CAD: variants seen among roughly 807,000 people sequenced by gnomAD.
CAD encodes carbamoyl-phosphate synthetase 2, aspartate transcarbamylase, and dihydroorotase.
Under a neutral mutation model 237.2 loss-of-function variants are expected in CAD, and 81 were observed. That is an observed-to-expected ratio of 0.34 (90% confidence interval 0.29 to 0.41). The LOEUF (loss-of-function observed/expected upper bound fraction) is 0.41, where lower values mean the gene tolerates loss of function less well. Among genes scored for constraint, CAD ranks in the 10% least tolerant of loss-of-function variants. The pLI is 1.00. For missense variants in CAD, 2,181 were observed against 2,951.7 expected (o/e 0.74, Z 6.05); for synonymous variants, 1,196 against 1,162.8 (o/e 1.03, Z -0.58).
rs1444427678 is a variant in CAD, at chr2:27,240,218, CAAAA to C, written c.5497-46_5497-43del. The C allele has an allele frequency of 8.1e-7, 1 of 1,227,716 alleles. No homozygotes were observed. The allele number at this position is 1,227,716 out of a possible 1,614,324, so 76.1% of individuals were successfully genotyped here. The stretch of plus-strand genomic sequence containing the variant: ...TGAGCGACAGAACGAGACTCCGTCT[CAAAA>C]GAAAAAAAAAAAAACAACTCTGGGC... On this transcript the variant is annotated intron_variant, in intron 34 of 43. Transcript: ENST00000264705. The surrounding 1 kb of genome is among the most constrained non-coding windows in gnomAD (Gnocchi z 4.6).
In CAD at chr2:27,221,527, G is replaced by A. The variant is rs538571387; in HGVS notation, c.352+180G>A. On this transcript the variant is annotated intron_variant, in intron 3 of 43. Transcript: ENST00000264705. ...CTCAGAAAGAAAATTTCCAACACAG[G>A]AAGGAACTCCCACCTTCCATAATCA... Among the ~76,000 whole-genome samples the A allele has an allele frequency of 3.3e-5, 5 of 152,230 alleles. No homozygotes were observed. In the South Asian group the frequency reaches 1.0e-3, roughly 32 times the overall value.
chr2:27,222,439 A>G, intron 4 of CAD, 80 bp from the exon 5 acceptor site: 1 of 1,571,064 alleles, frequency 6.4e-7, no homozygotes, highest in South Asian at 1.1e-5. Flanking sequence ...GAGGCTTTGA[A>G]GGTAGGAGTT....
chr2:27,234,162 T>C lies in CAD; in HGVS notation c.3554T>C (p.Ile1185Thr). Residue 1185 changes from isoleucine (I) to threonine (T), a missense_variant, in exon 22 of 44, where the codon ATT becomes ACT. Around this residue, in one of 12 missense-constraint regions of CAD, gnomAD observed 306 missense variants for 607.9 expected, o/e 0.50. Coordinates refer to ENST00000264705, the MANE Select transcript of CAD (RefSeq NM_004341.5). ...AAAACCCTGGAGCGGATCAAAGCCA[T>C]TGTGCATGCTGTGGGCCAGGAGCTA... ...TAKTLERIKA[I>T]VHAVGQELQV... is the part of the protein sequence containing the mutation. 6.2e-7 allele frequency: 1 copy of C among 1,614,218 alleles called. No homozygotes were observed. Among genetic ancestry groups the C allele is most frequent in the Non-Finnish European group, 8.5e-7 (1 of 1,180,030 alleles).
rs1365880572 is a variant in CAD, at chr2:27,222,561, G to A, written c.538G>A (p.Ala180Thr). The A allele has an allele frequency of 1.2e-6, 2 of 1,614,028 alleles. No individual in the cohort carries two copies. The highest frequency in any genetic ancestry group is 1.7e-6 in the Non-Finnish European group (2 of 1,180,012). Residue 180 changes from alanine (A) to threonine (T), a missense_variant, in exon 5 of 44, where the codon GCT becomes ACT. Ala to Thr is a moderately conservative substitution (Grantham distance 58, BLOSUM62 0). This residue lies in a region of CAD where 314 missense variants were observed against 339.4 expected (regional missense o/e 0.93). Transcript: ENST00000264705. ...FNTGGAPRIL[A>T]LDCGLKYNQI... ...TACAGGGGGTGCCCCTCGGATCCTT[G>A]CTTTGGACTGTGGCCTCAAGTATAA...
chr2:27,238,197 C>T lies in CAD; in HGVS notation c.4860+10C>T. ...GGCACGGAAGGAGGAGGTAAGAGTA[C>T]ACCTGAGATCCTGCTGTCCCTGTTG... On this transcript the variant is annotated intron_variant, in intron 30 of 43. Coordinates refer to ENST00000264705, the MANE Select transcript of CAD (RefSeq NM_004341.5). 4 of 1,613,516 alleles carry T rather than the reference C, an allele frequency of 2.5e-6. No homozygotes were observed. The highest frequency in any genetic ancestry group is 3.4e-6 in the Non-Finnish European group (4 of 1,179,830).
chr2:27,240,949 G>A lies in CAD; in HGVS notation c.5632G>A (p.Glu1878Lys), dbSNP rs762262469. The A allele has an allele frequency of 1.4e-5, 22 of 1,613,902 alleles. No individual in the cohort carries two copies. The highest frequency in any genetic ancestry group is 1.8e-5 in the Non-Finnish European group (21 of 1,179,996). Residue 1878 changes from glutamate (E) to lysine (K), a missense_variant, in exon 36 of 44, where the codon GAG (glutamate) becomes AAG (lysine). This residue lies in a region of CAD where 203 missense variants were observed against 284.5 expected (regional missense o/e 0.71). Coordinates refer to ENST00000264705, the MANE Select transcript of CAD (RefSeq NM_004341.5). The surrounding 1 kb of genome is among the most constrained non-coding windows in gnomAD (Gnocchi z 4.6). ...PKEKSSRKVA[E>K]PELMGTPDGT... Reference sequence around the variant, plus strand: ...GGAGAAGTCCTCTCGGAAGGTAGCCGAGCCAGGTGAGACTCCACCCTGACA... The same window carrying A: ...GGAGAAGTCCTCTCGGAAGGTAGCCAAGCCAGGTGAGACTCCACCCTGACA...
At position 27,240,242 on chromosome 2, in the gene CAD, C is replaced by G. The variant is rs370829139; in HGVS notation, c.5497-23C>G. ...TCAAAAGAAAAAAAAAAAAACAACT[C>G]TGGGCCAACGTTATCCCTCCAGACA... On this transcript the variant is annotated intron_variant, in intron 34 of 43. Coordinates refer to ENST00000264705, the MANE Select transcript of CAD (RefSeq NM_004341.5). The surrounding 1 kb of genome is among the most constrained non-coding windows in gnomAD (Gnocchi z 4.6). 3 of 1,564,890 alleles carry G rather than the reference C, an allele frequency of 1.9e-6. No homozygotes were observed. Among genetic ancestry groups the G allele is most frequent in the African/African-American group, 2.7e-5 (2 of 73,054 alleles).
At chr2:27,225,298 A>ATTT (rs1675381150) in intron 11 of CAD, 55 bp downstream of exon 11, 38 of 566,178 alleles carry the variant, frequency 6.7e-5, no homozygotes, top group Admixed American at 3.1e-4. Context: ...TGGTAGTGTT[A>ATTT]TTTTCTTTTT....
chr2:27,222,055 C>A, intron 3 of CAD, 139 bp from the exon 4 acceptor site: 1 of 771,206 alleles, frequency 1.3e-6, no homozygotes, highest in Non-Finnish European at 2.1e-6. Flanking sequence ...ATACTTCTGT[C>A]ACAATGGCCC....
rs1675998203 is a variant in CAD, at chr2:27,236,313, G to A, written c.4104G>A (p.Glu1368=). 6.2e-7 allele frequency: 1 copy of A among 1,614,070 alleles called. No homozygotes were observed. Among genetic ancestry groups the A allele is most frequent in the Non-Finnish European group, 8.5e-7 (1 of 1,179,998 alleles). ...CAGCTGTGGACTGGCACTTTGAGGA[G>A]GCTGTGGATGGTGAGTGCCCACCAC... ...KVTAVDWHFE[E]AVDGECPPQR... is the part of the protein sequence containing the mutation. Residue 1368 remains glutamate, a synonymous_variant, in exon 26 of 44, where the codon GAG becomes GAA. Transcript: ENST00000264705. This position sits in a 1 kb window ranked among gnomAD's most constrained non-coding sequence, Gnocchi z 4.1.
At position 27,241,511 on chromosome 2, in the gene CAD, T is replaced by C; in HGVS notation, c.5883+115T>C. ...TCCTCCCCCTGCCATCCCGTCCCCT[T>C]ATGCTAGTCCATCCCTCTGCTGCTG... is the stretch of plus-strand genomic sequence containing the variant. On this transcript the variant is annotated intron_variant, in intron 38 of 43. Transcript: ENST00000264705. The surrounding 1 kb of genome is among the most constrained non-coding windows in gnomAD (Gnocchi z 4.6). The C allele has an allele frequency of 2.1e-6, 2 of 957,596 alleles. No individual in the cohort carries two copies. The highest frequency in any genetic ancestry group is 3.3e-6 in the Non-Finnish European group (2 of 603,334). The allele number at this position is 957,596 out of a possible 1,614,324, so 59.3% of individuals were successfully genotyped here.
At chr2:27,225,960 A>G (rs1675428628) in intron 12 of CAD, 34 bp downstream of exon 12, 3 of 1,592,468 alleles carry the variant, frequency 1.9e-6, no homozygotes, top group Non-Finnish European at 2.6e-6. Context: ...GCGTCGTGTC[A>G]GGCAGGATGA....
chr2:27,241,255 C>T lies in CAD; in HGVS notation c.5808+28C>T. The T allele has an allele frequency of 1.2e-6, 2 of 1,613,472 alleles. No individual in the cohort carries two copies. Among genetic ancestry groups the T allele is most frequent in the Non-Finnish European group, 1.7e-6 (2 of 1,179,622 alleles). On this transcript the variant is annotated intron_variant, in intron 37 of 43. Coordinates refer to ENST00000264705, the MANE Select transcript of CAD (RefSeq NM_004341.5). The surrounding 1 kb of genome is among the most constrained non-coding windows in gnomAD (Gnocchi z 4.6). The stretch of plus-strand genomic sequence containing the variant: ...GCCTGGGGCAGGGAGGATGGGACCA[C>T]CCAGAGCTTTGAGGATTTGGAAAGC...
chr2:27,225,878 G>T lies in CAD; in HGVS notation c.1794G>T (p.Lys598Asn). 1.2e-6 allele frequency: 2 copies of T among 1,614,262 alleles called. No individual in the cohort carries two copies. The highest frequency in any genetic ancestry group is 1.7e-6 in the Non-Finnish European group (2 of 1,180,040). ...VLVDKSLKGW[K>N]EIEYEVVRDA... is the part of the protein sequence containing the mutation. ...TAGACAAGTCTCTGAAGGGATGGAA[G>T]GAGATTGAGTACGAGGTGGTGAGAG... The change falls in exon 12 of 44, where the codon AAG becomes AAT. Residue 598 changes from lysine (K) to asparagine (N), a missense_variant. By Grantham distance (94) the Lys-to-Asn change is moderately conservative. Transcript: ENST00000264705.
At position 27,240,657 on chromosome 2, in the gene CAD, C is replaced by T; in HGVS notation, c.5594-254C>T. Reference sequence around the variant, plus strand: ...TTGGTTGGTGTGAGTCTGGCCGTTCCTCTTGCCTAGGATGCCTTTGCCAAC... The same window carrying T: ...TTGGTTGGTGTGAGTCTGGCCGTTCTTCTTGCCTAGGATGCCTTTGCCAAC... On this transcript the variant is annotated intron_variant, in intron 35 of 43. Coordinates refer to ENST00000264705, the MANE Select transcript of CAD (RefSeq NM_004341.5). This position sits in a 1 kb window ranked among gnomAD's most constrained non-coding sequence, Gnocchi z 4.6. The T allele has an allele frequency of 6.5e-7, 1 of 1,539,432 alleles. No individual in the cohort carries two copies. The highest frequency in any genetic ancestry group is 8.8e-7 in the Non-Finnish European group (1 of 1,139,436).
rs746232181 is a variant in CAD, at chr2:27,232,723, C to T, written c.2892+29C>T. 3 of 1,613,606 alleles carry T rather than the reference C, an allele frequency of 1.9e-6. No homozygotes were observed. The highest frequency in any genetic ancestry group is 1.7e-5 in the Admixed American group (1 of 60,010). On this transcript the variant is annotated intron_variant, in intron 18 of 43. Transcript: ENST00000264705. This position sits in a 1 kb window ranked among gnomAD's most constrained non-coding sequence, Gnocchi z 4.1. ...AGAGAGTTCATTTTCTTTCCACTTT[C>T]CTTGCTATTCTGTTCATCTCTAGCA...
chr2:27,243,532 C>T lies in CAD; in HGVS notation c.*14C>T. On this transcript the variant is annotated 3_prime_UTR_variant, in exon 44 of 44. Transcript: ENST00000264705. ...GGCCGTTTCTAGGGCCTGGCTTCCTCAGCCTCTTCTCTTTAGGCCCAGCTG... is the reference window on the plus strand; with the variant it reads ...GGCCGTTTCTAGGGCCTGGCTTCCTTAGCCTCTTCTCTTTAGGCCCAGCTG... The T allele has an allele frequency of 6.4e-7, 1 of 1,569,758 alleles. No homozygotes were observed. Among genetic ancestry groups the T allele is most frequent in the Non-Finnish European group, 8.7e-7 (1 of 1,155,330 alleles).
Position 27,239,395 on chromosome 2 carries a change from C to T in CAD, c.5318C>T (p.Pro1773Leu). Residue 1773 changes from proline to leucine, a missense_variant, in exon 33 of 44, where the codon CCT (proline) becomes CTT (leucine). Pro to Leu is a moderately conservative substitution (Grantham distance 98). Transcript: ENST00000264705. This position sits in a 1 kb window ranked among gnomAD's most constrained non-coding sequence, Gnocchi z 4.0. ...CCCTTCTCCAAGGCCCACTGGACAC[C>T]TTTTGAAGGGCAGAAAGTGAAGGGC... ...HMPFSKAHWT[P>L]FEGQKVKGTV... 1 of 1,614,120 alleles carries T rather than the reference C, an allele frequency of 6.2e-7. No individual in the cohort carries two copies.
Position 27,242,322 on chromosome 2 carries a change from G to C in CAD, c.6117G>C (p.Arg2039=), listed in dbSNP as rs758330026. Residue 2039 remains arginine, a synonymous_variant, in exon 40 of 44, where the codon CGG becomes CGC. Coordinates refer to ENST00000264705, the MANE Select transcript of CAD (RefSeq NM_004341.5). This position sits in a 1 kb window ranked among gnomAD's most constrained non-coding sequence, Gnocchi z 6.4. The part of the protein sequence containing the change: ...GAVELAAKHC[R]RPVINAGDGV... ...TCCAGCTGGCCGCCAAGCACTGCCG[G>C]AGGCCAGTGATCAATGCTGGGGATG... is the stretch of plus-strand genomic sequence containing the variant. 6.2e-7 allele frequency: 1 copy of C among 1,612,774 alleles called. No individual in the cohort carries two copies.
Sources: gnomAD v4.1 joint callset for allele counts (sites outside exome capture counted in the v4.1 genomes callset) on GRCh38, gnomAD v4.1.1 for gene constraint, gnomAD v4.1.1 regional missense constraint, Gnocchi (gnomAD v3.1) non-coding constraint, MANE v1.5 for transcripts, NCBI Gene and HGNC (gene_info 2026-07-23, HGNC 2026-07-21) for gene names.